BNC2: variants seen among roughly 807,000 people sequenced by gnomAD.
The protein encoded by BNC2 is zinc finger protein basonuclin-2.
A neutral mutation model predicts 76.3 loss-of-function variants in BNC2; 20 were observed. The observed-to-expected ratio is 0.26, with a 90% CI of 0.18 to 0.38. BNC2 has a LOEUF of 0.38. BNC2 is among the 10% of genes least tolerant of loss of function. The probability of loss-of-function intolerance (pLI) is 1.00; values close to 1 mark genes in which losing one functional copy is unlikely to be tolerated. For synonymous variants in BNC2, 582 were observed against 514.8 expected (o/e 1.13, Z -1.77); for missense variants, 1,382 against 1,399.8 (o/e 0.99, Z 0.20).
intron 1 of BNC2, among the ~76,000 whole-genome samples, chr9:16,750,265 C>A (rs1346138632): frequency 6.6e-6 from 1 of 151,844 alleles, no homozygotes; most frequent in Non-Finnish European, 1.5e-5. Flanking sequence ...ATATTTGTAC[C>A]AATACATGTA....
intron 4 of BNC2, among the ~76,000 whole-genome samples, chr9:16,557,505 TAA>T (rs112057330): frequency 2.1e-5 from 3 of 141,216 alleles, no homozygotes; most frequent in Non-Finnish European, 3.1e-5. Context: ...TCACAGGATT[TAA>T]AAAAAAAAAA....
intron 5 of BNC2, among the ~76,000 whole-genome samples, chr9:16,524,722 A>G (rs1321279990): frequency 6.6e-6 from 1 of 152,200 alleles, no homozygotes; most frequent in Admixed American, 6.6e-5. Flanking sequence ...AGCTCTATAC[A>G]ACAACATTTA....
Position 16,634,430 on chromosome 9 carries a change from C to T in BNC2, c.331-51345G>A, listed in dbSNP as rs573644554. Among the ~76,000 whole-genome samples, 11 of 151,862 alleles carry T rather than the reference C, an allele frequency of 7.2e-5. 1 individual carries two copies. Among genetic ancestry groups the T allele is most frequent in the Admixed American group, 6.6e-4 (10 of 15,258 alleles). ...ACTGTCTGGTGACAAATAGGTAAACCAAATATGATTATTGTTATTAAGAGT... is the reference window on the plus strand; with the variant it reads ...ACTGTCTGGTGACAAATAGGTAAACTAAATATGATTATTGTTATTAAGAGT... On this transcript the variant is annotated intron_variant, in intron 3 of 6. Coordinates refer to ENST00000380672, the MANE Select transcript of BNC2 (RefSeq NM_017637.6).
chr9:16,448,097 T>C (rs1397638363), intron 5 of BNC2, among the ~76,000 whole-genome samples: 2 of 152,040 alleles, frequency 1.3e-5, no homozygotes, highest in Non-Finnish European at 2.9e-5. Context: ...AAATCCCTGG[T>C]CTTAGGACAG....
chr9:16,682,584 C>T (rs1587311882), intron 3 of BNC2, among the ~76,000 whole-genome samples: 1 of 152,096 alleles, frequency 6.6e-6, no homozygotes, highest in Admixed American at 6.6e-5. Context: ...CCTCATTTAA[C>T]TTTTATGGAA....
At chr9:16,430,910 T>A (rs548145386) in intron 6 of BNC2, among the ~76,000 whole-genome samples, 1 of 152,230 alleles carries the variant, frequency 6.6e-6, no homozygotes, top group Non-Finnish European at 1.5e-5. Flanking sequence ...TATTTATTTA[T>A]AAATCACCCT....
At chr9:16,849,511 A>G (rs1345036541) in intron 1 of BNC2, among the ~76,000 whole-genome samples, 5 of 151,884 alleles carry the variant, frequency 3.3e-5, no homozygotes, top group Non-Finnish European at 7.4e-5. Flanking sequence ...GGCGCATGCC[A>G]CCACGCCCGA....
At chr9:16,624,915 A>G (rs1563868971) in intron 3 of BNC2, among the ~76,000 whole-genome samples, 1 of 152,194 alleles carries the variant, frequency 6.6e-6, no homozygotes, top group Non-Finnish European at 1.5e-5. Flanking sequence ...TTTGCTAGCT[A>G]AACATAACTA....
chr9:16,813,335 G>A (rs191573354), intron 1 of BNC2, among the ~76,000 whole-genome samples: 1 of 151,094 alleles, frequency 6.6e-6, no homozygotes, highest in African/African-American at 2.4e-5. Context: ...GTGCGATCTC[G>A]GCTCACTGCA....
chr9:16,448,108 C>T lies in BNC2; in HGVS notation c.670-10584G>A, dbSNP rs540575073. ...AGATAAATCCCTGGTCTTAGGACAG[C>T]TATAAATCTGCTTGCTTTACAATAA... On this transcript the variant is annotated intron_variant, in intron 5 of 6. Coordinates refer to ENST00000380672, the MANE Select transcript of BNC2 (RefSeq NM_017637.6). Among the ~76,000 whole-genome samples the T allele has an allele frequency of 6.8e-4, 104 of 152,232 alleles. 2 individuals are homozygous for T. In the East Asian group the frequency reaches 0.017, roughly 25 times the overall value.
At position 16,417,216 on chromosome 9, in the gene BNC2, G is replaced by T. The variant is rs570883979; in HGVS notation, c.*1773C>A. ...ACCCTAATGGTTTTGGCTGCAGACT[G>T]AACTTGAGTAAATATCATCATTTAG... On this transcript the variant is annotated 3_prime_UTR_variant, in exon 7 of 7. Transcript: ENST00000380672. 2.0e-5 allele frequency: 3 copies of T among 152,504 alleles called. No individual in the cohort carries two copies. Among genetic ancestry groups the T allele is most frequent in the Admixed American group, 1.3e-4 (2 of 15,272 alleles). The allele number at this position is 152,504 out of a possible 1,614,324, so 9.4% of individuals were successfully genotyped here.
chr9:16,521,851 G>C (rs377143518), intron 5 of BNC2, among the ~76,000 whole-genome samples: 3 of 152,070 alleles, frequency 2.0e-5, no homozygotes, highest in African/African-American at 7.2e-5. Flanking sequence ...AGCTGCAACC[G>C]TTTTTAAATA....
At chr9:16,686,624 A>G (rs1482793019) in intron 3 of BNC2, among the ~76,000 whole-genome samples, 1 of 152,180 alleles carries the variant, frequency 6.6e-6, no homozygotes, top group Non-Finnish European at 1.5e-5. Flanking sequence ...TAAAACTCCA[A>G]TTAAGATCAT....
intron 2 of BNC2, among the ~76,000 whole-genome samples, chr9:16,737,771 C>T (rs1011277544): frequency 3.9e-5 from 6 of 152,224 alleles, no homozygotes; most frequent in Admixed American, 6.5e-5. Context: ...GTTAAAAATA[C>T]GAAGACTTAA....
chr9:16,433,071 A>G (rs1011703022), intron 6 of BNC2, among the ~76,000 whole-genome samples: 1 of 152,210 alleles, frequency 6.6e-6, no homozygotes, highest in Admixed American at 6.5e-5. Flanking sequence ...AGCTGCAGGA[A>G]GAGGCAGGCA....
chr9:16,763,866 T>C (rs1390863586), intron 1 of BNC2, among the ~76,000 whole-genome samples: 1 of 152,174 alleles, frequency 6.6e-6, no homozygotes, highest in Non-Finnish European at 1.5e-5. Flanking sequence ...ACACCTAGTG[T>C]TTGAAAACTA....
At chr9:16,656,782 G>T (rs1481291726) in intron 3 of BNC2, among the ~76,000 whole-genome samples, 1 of 152,104 alleles carries the variant, frequency 6.6e-6, no homozygotes, top group African/African-American at 2.4e-5. Flanking sequence ...AGATCTCTGG[G>T]ACTTATTCAT....
chr9:16,808,073 T>C (rs1443903049), intron 1 of BNC2, among the ~76,000 whole-genome samples: 2 of 152,186 alleles, frequency 1.3e-5, no homozygotes, highest in East Asian at 1.9e-4. Flanking sequence ...ATGTTAATTA[T>C]ATGAGTATTA....
intron 4 of BNC2, among the ~76,000 whole-genome samples, chr9:16,557,808 T>C (rs1325733057): frequency 6.6e-6 from 1 of 152,004 alleles, no homozygotes; most frequent in Non-Finnish European, 1.5e-5. Flanking sequence ...TGGGAACTTG[T>C]CCCTTACACT....
Sources: allele counts gnomAD v4.1 joint callset (sites outside exome capture counted in the v4.1 genomes callset), GRCh38; gene constraint gnomAD v4.1.1; transcripts MANE v1.5; gene names NCBI Gene and HGNC (gene_info 2026-07-23, HGNC 2026-07-21).